Variants in MAST4 observed in about 807,000 individuals in gnomAD.
MAST4 encodes microtubule-associated serine/threonine-protein kinase 4.
MAST4 carries 89 observed loss-of-function variants against 162.7 expected under a neutral mutation model. The ratio of observed to expected loss-of-function variants is 0.55; its 90% CI spans 0.46 to 0.65. MAST4 has a LOEUF of 0.65. Among genes scored for constraint, MAST4 ranks in the 30% least tolerant of loss-of-function variants. MAST4 has a pLI of 0.00. For synonymous variants in MAST4, 1,479 were observed against 1,361.1 expected, an observed-to-expected ratio of 1.09 and a Z score of -1.91; for missense variants, 3,153 against 3,374.0, an observed-to-expected ratio of 0.93 and a Z score of 1.62.
intron 11 of MAST4, 97 bp from the exon 12 acceptor site, chr5:67,113,990 G>A (rs1766580629): frequency 1.4e-6 from 2 of 1,379,890 alleles, no homozygotes; most frequent in Non-Finnish European, 2.0e-6. Context: ...TTACAGCCAT[G>A]TATACCCAGC....
rs1437906818 is a variant in MAST4 at position 67,149,587 on chromosome 5, G to T, written c.3293G>T (p.Gly1098Val). 3 of 1,613,232 alleles carry T rather than the reference G, an allele frequency of 1.9e-6. No homozygotes were observed. ...AGTGCTCTTTCCCTCATGATCCCAG[G>T]AGGTAGAGAGATACTACTTGCATGA... ...SASALSLMIP[G>V]DMFAVSPLGS... Residue 1098 changes from glycine to valine, a missense_variant and splice_region_variant, in exon 24 of 29, where the codon GGA becomes GTA. Gly to Val is a moderately radical substitution (Grantham distance 109, BLOSUM62 -3). Transcript: ENST00000403625.
intron 14 of MAST4, among the ~76,000 whole-genome samples, chr5:67,128,378 T>C (rs997594706): frequency 2.0e-5 from 3 of 152,172 alleles, no homozygotes; most frequent in Non-Finnish European, 1.5e-5. Context: ...CAGCACTAGA[T>C]CATTCGGTGC....
At chr5:66,716,468 C>T (rs1750847219) in intron 1 of MAST4, among the ~76,000 whole-genome samples, 1 of 151,940 alleles carries the variant, frequency 6.6e-6, no homozygotes, top group Non-Finnish European at 1.5e-5. Flanking sequence ...ATGTCAGCCT[C>T]CCGAGTAGCT....
intron 4 of MAST4, among the ~76,000 whole-genome samples, chr5:66,935,406 C>G (rs1169000879): frequency 6.6e-6 from 1 of 152,066 alleles, no homozygotes; most frequent in East Asian, 1.9e-4. Flanking sequence ...TATATTGGAA[C>G]CTTGCAACCT....
rs1336523958 is a variant in MAST4 at position 67,163,973 on chromosome 5, G to A, written c.4794G>A (p.Pro1598=). 4 of 1,609,060 alleles carry A rather than the reference G, an allele frequency of 2.5e-6. No homozygotes were observed. The highest frequency in any genetic ancestry group is 3.4e-6 in the Non-Finnish European group (4 of 1,177,758). The change falls in exon 29 of 29, where the codon CCG becomes CCA. Residue 1598 remains proline (P), a synonymous_variant. Coordinates refer to ENST00000403625, the MANE Select transcript of MAST4 (RefSeq NM_001164664.2). This position sits in a 1 kb window ranked among gnomAD's most constrained non-coding sequence, Gnocchi z 7.0. The part of the protein sequence containing the change: ...ENKASMQEAP[P]LGSLLKDALH... ...AAGCGTCTATGCAGGAGGCGCCACC[G>A]CTGGGCAGCCTGCTGAAGGATGCTC... is the stretch of plus-strand genomic sequence containing the variant.
chr5:66,599,811 A>G (rs1233547846), intron 1 of MAST4, among the ~76,000 whole-genome samples: 1 of 152,212 alleles, frequency 6.6e-6, no homozygotes, highest in Non-Finnish European at 1.5e-5. Flanking sequence ...TACTGTAGAA[A>G]GGCACTGAGT....
chr5:67,032,057 T>G (rs1755402427), intron 4 of MAST4, among the ~76,000 whole-genome samples: 1 of 152,192 alleles, frequency 6.6e-6, no homozygotes, highest in Non-Finnish European at 1.5e-5. Context: ...AAACTCTTGC[T>G]CCATGGCTGC....
chr5:66,648,143 TGTG>T (rs1561236606), intron 1 of MAST4, among the ~76,000 whole-genome samples: 2 of 150,534 alleles, frequency 1.3e-5, no homozygotes, highest in Non-Finnish European at 2.9e-5. Context: ...TTTGTGGCAA[TGTG>T]GTAATTTAGG....
chr5:66,643,639 A>T (rs1745628922), intron 1 of MAST4, among the ~76,000 whole-genome samples: 1 of 152,002 alleles, frequency 6.6e-6, no homozygotes, highest in African/African-American at 2.4e-5. Context: ...GTTTTTTTCT[A>T]TGCCAGATTT....
intron 3 of MAST4, among the ~76,000 whole-genome samples, chr5:66,857,529 T>G (rs1043994039): frequency 2.8e-4 from 42 of 152,364 alleles, no homozygotes; most frequent in South Asian, 1.7e-3. Flanking sequence ...CCAGCAGATC[T>G]GTTTTCTTTT....
rs1769677694 is a variant in MAST4, at chr5:67,136,607, G to A, written c.2437G>A (p.Ala813Thr). ...PEKDEAPPPD[A>T]QDLITLLLRQ... Reference sequence around the variant, plus strand: ...GAAGGATGAGGCACCCCCACCTGATGCCCAGGATCTGATTACCTTACTCCT... The same window carrying A: ...GAAGGATGAGGCACCCCCACCTGATACCCAGGATCTGATTACCTTACTCCT... The change falls in exon 19 of 29, where the codon GCC becomes ACC. Residue 813 changes from alanine to threonine, a missense_variant. Coordinates refer to ENST00000403625, the MANE Select transcript of MAST4 (RefSeq NM_001164664.2). 1 of 1,607,352 alleles carries A rather than the reference G, an allele frequency of 6.2e-7. No homozygotes were observed.
chr5:66,816,987 A>G (rs1189822191), intron 3 of MAST4, among the ~76,000 whole-genome samples: 1 of 152,112 alleles, frequency 6.6e-6, no homozygotes, highest in Non-Finnish European at 1.5e-5. Flanking sequence ...TCGTCTCTCA[A>G]ACCTACCCTT....
In MAST4 at chr5:66,903,922, C is replaced by G. The variant is rs143127958; in HGVS notation, c.674+3940C>G. On this transcript the variant is annotated intron_variant, in intron 4 of 28. Transcript: ENST00000403625. ...TAGGTTCTGTCACTGTGCCTGCTCC[C>G]TGAGCACAAGTGGTGATGCCATGGC... 1.6e-3 allele frequency among the ~76,000 whole-genome samples: 243 copies of G among 152,296 alleles called. 1 individual carries two copies. Among genetic ancestry groups the G allele is most frequent in the African/African-American group, 5.6e-3 (233 of 41,556 alleles).
At chr5:67,030,545 G>A (rs1755178752) in intron 4 of MAST4, among the ~76,000 whole-genome samples, 1 of 152,124 alleles carries the variant, frequency 6.6e-6, no homozygotes, top group African/African-American at 2.4e-5. Flanking sequence ...CCATTCCAGA[G>A]CAGGCCTGGG....
intron 9 of MAST4, among the ~76,000 whole-genome samples, chr5:67,103,654 C>T (rs1430961768): frequency 2.6e-5 from 4 of 152,094 alleles, no homozygotes; most frequent in Non-Finnish European, 5.9e-5. Flanking sequence ...CCAAGGGAGT[C>T]CCCTGGGACT....
chr5:67,100,429 T>C lies in MAST4; in HGVS notation c.913-6T>C. The C allele has an allele frequency of 6.2e-7, 1 of 1,613,900 alleles. No individual in the cohort carries two copies. Among genetic ancestry groups the C allele is most frequent in the African/African-American group, 1.3e-5 (1 of 75,054 alleles). On this transcript the variant is annotated splice_region_variant and splice_polypyrimidine_tract_variant and intron_variant, in intron 7 of 28. Transcript: ENST00000403625. ...AGTTATGTGACCTCACTTTGGTTTT[T>C]TTCAGTCATCCTGTTCCTCCCAGGA...
At chr5:66,694,358 G>A (rs1749255192) in intron 1 of MAST4, among the ~76,000 whole-genome samples, 1 of 152,182 alleles carries the variant, frequency 6.6e-6, no homozygotes, top group Non-Finnish European at 1.5e-5. Flanking sequence ...GCTCATATAA[G>A]TCAGCTTGGA....
Position 66,599,698 on chromosome 5 carries a change from G to A in MAST4, c.363+2680G>A, listed in dbSNP as rs142588272. ...GCTACCTACTGTCAGAGAATCGGAG[G>A]CTATGTCTACTTAGCTTATACTCAT... On this transcript the variant is annotated intron_variant, in intron 1 of 28. Transcript: ENST00000403625. Among the ~76,000 whole-genome samples the A allele has an allele frequency of 4.5e-3, 680 of 152,244 alleles. 17 individuals carry two copies. The South Asian group carries it at 0.062, about 14-fold the overall frequency.
At chr5:66,751,139 C>T (rs1753135057) in intron 1 of MAST4, among the ~76,000 whole-genome samples, 1 of 152,036 alleles carries the variant, frequency 6.6e-6, no homozygotes, top group Admixed American at 6.5e-5. Context: ...ACCCAAAACC[C>T]ATCTGTACAT....
Sources: gnomAD v4.1 joint callset for allele counts (sites outside exome capture counted in the v4.1 genomes callset) on GRCh38, gnomAD v4.1.1 for gene constraint, Gnocchi (gnomAD v3.1) non-coding constraint, MANE v1.5 for transcripts, NCBI Gene and HGNC (gene_info 2026-07-23, HGNC 2026-07-21) for gene names.